The following OR51B5 variants were observed in gnomAD, a reference collection of about 807,000 sequenced individuals.
OR51B5 encodes olfactory receptor family 51 subfamily B member 5, also known as olfactory receptor 51B5.
For missense variants in OR51B5, 456 were observed against 374.6 expected (o/e 1.22, Z -1.79); for synonymous variants, 186 against 144.8 (o/e 1.28, Z -2.04).
downstream of OR51B5, chr11:5,340,389 G>GAGTAAA (rs1289653921): frequency 6.6e-6 from 1 of 151,046 alleles, no homozygotes; most frequent in Non-Finnish European, 1.5e-5. Flanking sequence ...ATTTATTATA[G>GAGTAAA]TTTGAAGTCA....
intron 1 of OR51B5, among the ~76,000 whole-genome samples, chr11:5,493,343 T>C (rs1851605168): frequency 1.3e-5 from 2 of 152,202 alleles, no homozygotes; most frequent in Admixed American, 1.3e-4. Flanking sequence ...GAAATCGATC[T>C]GCCTTTTTCT....
At chr11:5,367,961 C>G in intron 1 of OR51B5, among the ~76,000 whole-genome samples, 1 of 152,174 alleles carries the variant, frequency 6.6e-6, no homozygotes, top group East Asian at 1.9e-4. Flanking sequence ...TGTGAGGAAT[C>G]AGACATTCTT....
chr11:5,469,030 C>A (rs147630465), intron 1 of OR51B5: 4 of 296,220 alleles, frequency 1.4e-5, no homozygotes, highest in Admixed American at 4.6e-5. Flanking sequence ...CATAGCGCAG[C>A]GGGTTACAGA....
chr11:5,479,892 G>C lies in OR51B5; in HGVS notation n.84+25677C>G, dbSNP rs1278493707. ...CCTGAGTGACCTACAAAGAGACTTAGACTCCCACACATTAATAATGGGAGA... is the reference window on the plus strand; with the variant it reads ...CCTGAGTGACCTACAAAGAGACTTACACTCCCACACATTAATAATGGGAGA... On this transcript the variant is annotated intron_variant and non_coding_transcript_variant, in intron 1 of 4. Transcript: ENST00000415970. 1.4e-5 allele frequency among the ~76,000 whole-genome samples: 2 copies of C among 139,584 alleles called. 1 individual carries two copies. The highest frequency in any genetic ancestry group is 5.2e-4 in the South Asian group (2 of 3,822). The allele number at this position is 139,584 out of a possible 152,430, so 91.6% of individuals were successfully genotyped here.
intron 1 of OR51B5, among the ~76,000 whole-genome samples, chr11:5,380,083 G>A (rs954036913): frequency 5.3e-5 from 8 of 152,100 alleles, no homozygotes; most frequent in African/African-American, 1.9e-4. Context: ...ACTTGGAGTG[G>A]GGAGAAGAGA....
chr11:5,346,139 A>G (rs1170618672), upstream of OR51B5: 1 of 152,176 alleles, frequency 6.6e-6, no homozygotes, highest in Non-Finnish European at 1.5e-5. Context: ...TATGCAGCAC[A>G]AGTGATGAAT....
chr11:5,449,995 G>A (rs1312747522), intron 1 of OR51B5, among the ~76,000 whole-genome samples: 1 of 152,012 alleles, frequency 6.6e-6, no homozygotes, highest in East Asian at 1.9e-4. Flanking sequence ...CCCCATAACA[G>A]CACCATAGCA....
In OR51B5 at chr11:5,378,532, C is replaced by G. The variant is rs766972997; in HGVS notation, n.85-31622G>C. 3.3e-5 allele frequency among the ~76,000 whole-genome samples: 5 copies of G among 152,052 alleles called. No homozygotes were observed. The East Asian group carries it at 5.8e-4, about 18-fold the overall frequency. ...CATCAGAGTGAACAGGCAACCTACA[C>G]AATGGGAGAAAATTTTCACAACCTA... On this transcript the variant is annotated intron_variant and non_coding_transcript_variant, in intron 1 of 4. Transcript: ENST00000415970.
upstream of OR51B5, among the ~76,000 whole-genome samples, chr11:5,346,076 C>T (rs1031963779): frequency 6.6e-6 from 1 of 152,174 alleles, no homozygotes; most frequent in African/African-American, 2.4e-5. Flanking sequence ...TCTCCTTTAA[C>T]CTAATCTTTC....
At chr11:5,418,851 C>T (rs1056791602) in intron 1 of OR51B5, among the ~76,000 whole-genome samples, 76 of 140,186 alleles carry the variant, frequency 5.4e-4, no homozygotes, top group Non-Finnish European at 2.6e-4. Flanking sequence ...ACATTCTGCA[C>T]ATGTACCCCA....
At chr11:5,427,800 T>C (rs1056430414) in intron 1 of OR51B5, among the ~76,000 whole-genome samples, 7 of 152,198 alleles carry the variant, frequency 4.6e-5, no homozygotes, top group African/African-American at 1.7e-4. Flanking sequence ...GGAATGATAT[T>C]AGAAAATAAA....
At chr11:5,452,359 A>T in intron 1 of OR51B5, among the ~76,000 whole-genome samples, 1 of 151,884 alleles carries the variant, frequency 6.6e-6, no homozygotes, top group Non-Finnish European at 1.5e-5. Context: ...AAAAAAAATT[A>T]GCCGGGCATG....
chr11:5,438,713 T>C (rs1385856506), intron 1 of OR51B5, among the ~76,000 whole-genome samples: 2 of 152,156 alleles, frequency 1.3e-5, no homozygotes, highest in Non-Finnish European at 2.9e-5. Flanking sequence ...AAAACATCCA[T>C]GCAAATCTCA....
intron 1 of OR51B5, among the ~76,000 whole-genome samples, chr11:5,358,609 T>C (rs931911160): frequency 3.3e-5 from 5 of 152,086 alleles, no homozygotes; most frequent in African/African-American, 1.2e-4. Context: ...TTCGAATCAA[T>C]AGTAAAAGAG....
intron 1 of OR51B5, among the ~76,000 whole-genome samples, chr11:5,357,893 T>TG (rs1849219763): frequency 6.6e-6 from 1 of 152,088 alleles, no homozygotes; most frequent in African/African-American, 2.4e-5. Context: ...GAATGACTAC[T>TG]GGGTTCATAA....
At chr11:5,373,001 A>G (rs1849467993) in intron 1 of OR51B5, among the ~76,000 whole-genome samples, 1 of 152,224 alleles carries the variant, frequency 6.6e-6, no homozygotes, top group Non-Finnish European at 1.5e-5. Context: ...CAGAATAAAG[A>G]GCCCAGAAAT....
At chr11:5,345,944 G>GAGTGATGTATATTCTTCAGTTAC, upstream of OR51B5, 1 of 152,272 alleles carries the variant, frequency 6.6e-6, no homozygotes, top group African/African-American at 2.4e-5. Context: ...AACATACAAT[G>GAGTGATGTATATTCTTCAGTTAC]AGTGATGTAT....
chr11:5,483,563 A>AG (rs1564828955), intron 1 of OR51B5, among the ~76,000 whole-genome samples: 1 of 151,756 alleles, frequency 6.6e-6, no homozygotes, highest in East Asian at 1.9e-4. Flanking sequence ...CTAAAAAAAA[A>AG]AAGAAGAGAA....
At position 5,403,896 on chromosome 11, in the gene OR51B5, C is replaced by T. The variant is rs186806266; in HGVS notation, n.85-56986G>A. Among the ~76,000 whole-genome samples the T allele has an allele frequency of 2.4e-3, 364 of 152,110 alleles. 9 individuals are homozygous for T. Among genetic ancestry groups the T allele is most frequent in the Non-Finnish European group, 2.6e-4 (18 of 67,998 alleles). On this transcript the variant is annotated intron_variant and non_coding_transcript_variant, in intron 1 of 4. Transcript: ENST00000415970. ...TGTAATGGGAAATCTATTGAGCCCT[C>T]TGTGCTAGGAAGAGAGGAAGTGAAA...
Sources: gnomAD v4.1 joint callset for allele counts (sites outside exome capture counted in the v4.1 genomes callset) on GRCh38, gnomAD v4.1.1 for gene constraint, MANE v1.5 for transcripts, NCBI Gene and HGNC (gene_info 2026-07-23, HGNC 2026-07-21) for gene names.